Variants in ANXA13 observed in about 807,000 individuals in gnomAD.
The protein encoded by ANXA13 is annexin XIII.
ANXA13 carries 36 observed loss-of-function variants against 46.6 expected under a neutral mutation model. That is an observed-to-expected ratio of 0.77 (90% CI 0.59 to 1.02). The LOEUF is 1.02. ANXA13 is among the 50% of genes least tolerant of loss of function. ANXA13 has a pLI of 0.00. For synonymous variants in ANXA13, 163 were observed against 152.9 expected (o/e 1.07, Z -0.49); for missense variants, 417 against 396.5 (o/e 1.05, Z -0.44).
chr8:123,718,337 C>T (rs1190023878), intron 1 of ANXA13, among the ~76,000 whole-genome samples: 4 of 152,192 alleles, frequency 2.6e-5, no homozygotes, highest in Non-Finnish European at 5.9e-5. Context: ...TCTCATTGGT[C>T]ACCTGCAGCT....
intron 1 of ANXA13, among the ~76,000 whole-genome samples, chr8:123,731,079 A>G (rs1280089210): frequency 6.6e-6 from 1 of 152,184 alleles, no homozygotes. Flanking sequence ...ACTTGAGCAC[A>G]TATCAGTTTC....
At chr8:123,701,043 C>T (rs1192292236) in intron 3 of ANXA13, among the ~76,000 whole-genome samples, 1 of 152,144 alleles carries the variant, frequency 6.6e-6, no homozygotes, top group Non-Finnish European at 1.5e-5. Context: ...CTCCTGGGCT[C>T]AAGTGATCCT....
chr8:123,712,723 C>T lies in ANXA13; in HGVS notation c.46G>A (p.Val16Met). ...TTCAGCTTTTTGGCATCTCGATCCACATCAAAACCCTGAGGACTGCTCGCT... is the reference window on the plus strand; with the variant it reads ...TTCAGCTTTTTGGCATCTCGATCCATATCAAAACCCTGAGGACTGCTCGCT... The part of the protein sequence containing the change: ...AKASSPQGFD[V>M]DRDAKKLNKA... The change falls in exon 2 of 11, where the codon GTG becomes ATG. Residue 16 changes from valine to methionine, a missense_variant. Transcript: ENST00000419625. 6.2e-7 allele frequency: 1 copy of T among 1,614,202 alleles called. No homozygotes were observed. Among genetic ancestry groups the T allele is most frequent in the South Asian group, 1.1e-5 (1 of 91,084 alleles).
chr8:123,708,327 A>G (rs1002572407), intron 2 of ANXA13, among the ~76,000 whole-genome samples: 1 of 152,172 alleles, frequency 6.6e-6, no homozygotes, highest in Admixed American at 6.5e-5. Flanking sequence ...CTGGGAAGAT[A>G]CCGAGTCACA....
chr8:123,693,090 C>A, intron 8 of ANXA13, 107 bp downstream of exon 8: 1 of 939,114 alleles, frequency 1.1e-6, no homozygotes, highest in South Asian at 1.6e-5. Flanking sequence ...TTGAGAACCA[C>A]TGTTGTAAAG....
At chr8:123,687,627 T>C (rs1813163779) in intron 9 of ANXA13, among the ~76,000 whole-genome samples, 1 of 152,176 alleles carries the variant, frequency 6.6e-6, no homozygotes, top group African/African-American at 2.4e-5. Context: ...TTGCTGACAT[T>C]GTTCAAAAAA....
chr8:123,736,428 T>C (rs1814269349), intron 1 of ANXA13, among the ~76,000 whole-genome samples: 1 of 152,240 alleles, frequency 6.6e-6, no homozygotes, highest in African/African-American at 2.4e-5. Flanking sequence ...AGTGTTTTAG[T>C]CAGTTTTTAG....
At chr8:123,707,168 G>A (rs1813554468) in intron 2 of ANXA13, among the ~76,000 whole-genome samples, 1 of 152,186 alleles carries the variant, frequency 6.6e-6, no homozygotes, top group African/African-American at 2.4e-5. Context: ...TTAAACATGT[G>A]CACAGATGAA....
At chr8:123,721,558 T>C (rs2129921519) in intron 1 of ANXA13, among the ~76,000 whole-genome samples, 1 of 152,314 alleles carries the variant, frequency 6.6e-6, no homozygotes, top group South Asian at 2.1e-4. Context: ...CTGCTGAGTG[T>C]TGAGTGAGCC....
chr8:123,735,876 C>A (rs1376275244), intron 1 of ANXA13: 1 of 1,593,608 alleles, frequency 6.3e-7, no homozygotes, highest in Non-Finnish European at 8.5e-7. Context: ...GTACGACTGG[C>A]TCTGAGGATT....
intron 1 of ANXA13, among the ~76,000 whole-genome samples, chr8:123,715,979 T>C (rs1309783858): frequency 1.3e-5 from 2 of 152,140 alleles, no homozygotes; most frequent in Non-Finnish European, 2.9e-5. Flanking sequence ...TAAATAAGTG[T>C]CATTTGATCC....
At chr8:123,722,289 G>A (rs1391458083) in intron 1 of ANXA13, among the ~76,000 whole-genome samples, 4 of 150,206 alleles carry the variant, frequency 2.7e-5, no homozygotes, top group Non-Finnish European at 5.9e-5. Flanking sequence ...CTCCAGCCTG[G>A]GTGACAGAGT....
intron 1 of ANXA13, among the ~76,000 whole-genome samples, chr8:123,722,108 C>A (rs1813885679): frequency 6.6e-6 from 1 of 152,040 alleles, no homozygotes; most frequent in South Asian, 2.1e-4. Flanking sequence ...AGTTCAAGAC[C>A]AGCCTGGGCA....
At chr8:123,727,169 C>T (rs1338940868) in intron 1 of ANXA13, among the ~76,000 whole-genome samples, 1 of 152,104 alleles carries the variant, frequency 6.6e-6, no homozygotes, top group Non-Finnish European at 1.5e-5. Flanking sequence ...ACTCATGTAA[C>T]CAAATACCAC....
chr8:123,693,660 T>C (rs779420642), intron 7 of ANXA13, 51 bp downstream of exon 7: 1 of 1,459,382 alleles, frequency 6.9e-7, no homozygotes, highest in Non-Finnish European at 9.4e-7. Flanking sequence ...AAAATAATGC[T>C]AATAAATTTA....
chr8:123,700,292 C>T (rs370967454), intron 3 of ANXA13, among the ~76,000 whole-genome samples: 2 of 152,232 alleles, frequency 1.3e-5, no homozygotes, highest in African/African-American at 4.8e-5. Flanking sequence ...CCCACTCTTA[C>T]AAGCCACAGG....
intron 10 of ANXA13, among the ~76,000 whole-genome samples, 198 bp downstream of exon 10, chr8:123,684,412 G>A (rs572318921): frequency 1.1e-4 from 16 of 152,282 alleles, no homozygotes; most frequent in South Asian, 2.1e-4. Flanking sequence ...AAGAAGCAAC[G>A]ATCATTATTG....
At chr8:123,736,003 C>T (rs565557819) in intron 1 of ANXA13, 197 of 955,348 alleles carry the variant, frequency 2.1e-4, no homozygotes, top group Middle Eastern at 7.5e-4. Context: ...TTGATTATTC[C>T]TGGGGTCCTC....
At chr8:123,688,127 T>C (rs1813172440) in intron 9 of ANXA13, among the ~76,000 whole-genome samples, 1 of 152,072 alleles carries the variant, frequency 6.6e-6, no homozygotes, top group African/African-American at 2.4e-5. Flanking sequence ...CCCACCCAAA[T>C]CTCATCTTGA....
Sources: allele counts gnomAD v4.1 joint callset (sites outside exome capture counted in the v4.1 genomes callset), GRCh38; gene constraint gnomAD v4.1.1; transcripts MANE v1.5; gene names NCBI Gene and HGNC (gene_info 2026-07-23, HGNC 2026-07-21).